Variants in RAP1GAP2 observed in about 807,000 individuals in gnomAD.
The protein encoded by RAP1GAP2 is rap1 GTPase-activating protein 2.
RAP1GAP2 carries 27 observed loss-of-function variants against 95.0 expected under a neutral mutation model. The observed-to-expected ratio is 0.28, with a 90% CI of 0.21 to 0.39. The LOEUF is 0.39. Among genes scored for constraint, RAP1GAP2 ranks in the 10% least tolerant of loss-of-function variants. The probability of loss-of-function intolerance (pLI) is 1.00; values close to 1 mark genes in which losing one functional copy is unlikely to be tolerated. For missense variants in RAP1GAP2, 771 were observed against 970.0 expected (o/e 0.79, Z 2.72); for synonymous variants, 373 against 380.9 (o/e 0.98, Z 0.24).
chr17:2,869,674 G>A (rs1301554151), intron 2 of RAP1GAP2, among the ~76,000 whole-genome samples: 1 of 152,190 alleles, frequency 6.6e-6, no homozygotes, highest in East Asian at 1.9e-4. Context: ...TCCTGCCCAA[G>A]CTCACACCCC....
chr17:2,868,814 C>T (rs745882667), intron 2 of RAP1GAP2, among the ~76,000 whole-genome samples: 6 of 152,124 alleles, frequency 3.9e-5, no homozygotes, highest in African/African-American at 1.2e-4. Flanking sequence ...CCACTGTGCC[C>T]GGCCAGAACA....
At chr17:2,818,480 C>T (rs531472189) in intron 2 of RAP1GAP2, among the ~76,000 whole-genome samples, 10 of 152,052 alleles carry the variant, frequency 6.6e-5, no homozygotes, top group East Asian at 3.9e-4. Context: ...CGTGCCACCA[C>T]GCCCGGCTAA....
chr17:2,795,369 G>A (rs72817359), upstream of RAP1GAP2, among the ~76,000 whole-genome samples: 18,965 of 152,198 alleles, frequency 0.12, 1,469 homozygotes, highest in East Asian at 0.36. Context: ...GCACCAGTGC[G>A]TGCAGAGATG....
chr17:2,841,760 G>A (rs2071382452), intron 2 of RAP1GAP2, among the ~76,000 whole-genome samples: 1 of 152,136 alleles, frequency 6.6e-6, no homozygotes. Flanking sequence ...CTTAAGACAA[G>A]GAACAGGAAG....
intron 2 of RAP1GAP2, among the ~76,000 whole-genome samples, chr17:2,828,801 C>A (rs556580806): frequency 5.3e-5 from 8 of 152,046 alleles, no homozygotes; most frequent in Non-Finnish European, 1.2e-4. Context: ...CCTTCCCCAA[C>A]GGGTCTTGCT....
intron 8 of RAP1GAP2, among the ~76,000 whole-genome samples, chr17:2,967,074 A>G (rs2044634009): frequency 6.6e-6 from 1 of 152,146 alleles, no homozygotes; most frequent in Non-Finnish European, 1.5e-5. Context: ...TCTTCCTTAG[A>G]AAGCAGTGTT....
chr17:2,936,312 C>T (rs1176671220), intron 3 of RAP1GAP2, among the ~76,000 whole-genome samples: 2 of 138,700 alleles, frequency 1.4e-5, no homozygotes, highest in African/African-American at 5.4e-5. Flanking sequence ...GCCTTCATGC[C>T]TCCTTCTTTG....
intron 2 of RAP1GAP2, among the ~76,000 whole-genome samples, chr17:2,833,551 G>A (rs1597397821): frequency 1.3e-5 from 2 of 151,954 alleles, no homozygotes; most frequent in South Asian, 4.2e-4. Context: ...TGAGCCGGGT[G>A]TGTTGGCGGG....
intron 2 of RAP1GAP2, among the ~76,000 whole-genome samples, chr17:2,873,936 A>G (rs918612726): frequency 2.0e-5 from 3 of 148,564 alleles, no homozygotes; most frequent in Non-Finnish European, 4.5e-5. Flanking sequence ...CTAATTCTGT[A>G]TTTTTGGTAG....
intron 3 of RAP1GAP2, among the ~76,000 whole-genome samples, chr17:2,926,226 C>T (rs758821576): frequency 2.0e-5 from 3 of 152,052 alleles, no homozygotes; most frequent in Admixed American, 6.6e-5. Flanking sequence ...AGCCAGGAAG[C>T]GCAGGCCTCC....
intron 3 of RAP1GAP2, among the ~76,000 whole-genome samples, chr17:2,916,597 C>T (rs945724616): frequency 1.3e-5 from 2 of 152,208 alleles, no homozygotes; most frequent in African/African-American, 4.8e-5. Flanking sequence ...CAACAGGTCG[C>T]TTCATCTCCG....
chr17:2,880,578 T>A (rs1054356176), intron 2 of RAP1GAP2, among the ~76,000 whole-genome samples: 1 of 151,764 alleles, frequency 6.6e-6, no homozygotes, highest in Admixed American at 6.6e-5. Flanking sequence ...TCACTACCAT[T>A]CTCCAGACCA....
At chr17:2,882,855 T>C (rs541268663) in intron 2 of RAP1GAP2, among the ~76,000 whole-genome samples, 49 of 152,342 alleles carry the variant, frequency 3.2e-4, no homozygotes, top group African/African-American at 1.2e-3. Flanking sequence ...CAAACGTGAC[T>C]GATTCGTGTC....
intron 10 of RAP1GAP2, among the ~76,000 whole-genome samples, chr17:2,983,043 G>GA (rs1180587427): frequency 6.6e-6 from 1 of 152,198 alleles, no homozygotes; most frequent in Non-Finnish European, 1.5e-5. Flanking sequence ...CTCCAGGGTC[G>GA]GGCAGCAGCG....
intron 2 of RAP1GAP2, among the ~76,000 whole-genome samples, chr17:2,842,325 T>C (rs1259950235): frequency 6.6e-6 from 1 of 151,576 alleles, no homozygotes; most frequent in Non-Finnish European, 1.5e-5. Context: ...AGGTCAGGAG[T>C]TCGAGACCAG....
chr17:2,832,291 G>T (rs892525696), intron 2 of RAP1GAP2, among the ~76,000 whole-genome samples: 2 of 151,788 alleles, frequency 1.3e-5, no homozygotes, highest in African/African-American at 4.8e-5. Flanking sequence ...GGGCGCGGTG[G>T]CTCATGCCTG....
chr17:2,797,654 G>C lies in RAP1GAP2; in HGVS notation c.44+1083G>C. The C allele has an allele frequency of 1.0e-6, 1 of 978,306 alleles. No homozygotes were observed. Among genetic ancestry groups the C allele is most frequent in the Non-Finnish European group, 1.2e-6 (1 of 823,546 alleles). The allele number at this position is 978,306 out of a possible 1,614,324, so 60.6% of individuals were successfully genotyped here. A position where few individuals can be genotyped will look rare whatever the true frequency, so the allele number is the denominator to read the frequency against. On this transcript the variant is annotated intron_variant, in intron 1 of 24. Transcript: ENST00000254695. The surrounding 1 kb of genome is among the most constrained non-coding windows in gnomAD (Gnocchi z 5.6). ...AAAGCACTTTGCCATCCATCCTCTG[G>C]CAGGGGGGGACTGTGGGCACTCCAT... is the stretch of plus-strand genomic sequence containing the variant.
At chr17:2,915,343 A>C (rs1450852695) in intron 3 of RAP1GAP2, among the ~76,000 whole-genome samples, 1 of 146,776 alleles carries the variant, frequency 6.8e-6, no homozygotes, top group African/African-American at 2.5e-5. Flanking sequence ...CCATCCTTCC[A>C]CCTCAGCCCC....
chr17:2,981,651 G>A (rs1020092381), intron 10 of RAP1GAP2, among the ~76,000 whole-genome samples: 1 of 152,098 alleles, frequency 6.6e-6, no homozygotes, highest in Admixed American at 6.5e-5. Context: ...GAAGAGAAAG[G>A]CCAGACAGCC....
Sources: allele counts gnomAD v4.1 joint callset (sites outside exome capture counted in the v4.1 genomes callset), GRCh38; gene constraint gnomAD v4.1.1; non-coding constraint Gnocchi (gnomAD v3.1); transcripts MANE v1.5; gene names NCBI Gene and HGNC (gene_info 2026-07-23, HGNC 2026-07-21).